The following ARL10 variants were observed in gnomAD, a reference collection of about 807,000 sequenced individuals.
ARL10 encodes the protein ARF like GTPase 10, also known as ADP-ribosylation factor-like protein 10.
In ARL10, 23 loss-of-function variants were observed where a neutral mutation model predicts 26.1. The ratio of observed to expected loss-of-function variants is 0.88; its 90% CI spans 0.63 to 1.25. ARL10 has a LOEUF of 1.25. Ranked by LOEUF, ARL10 falls within the 50% of genes most tolerant of loss-of-function variation. The pLI is 0.00. For missense variants in ARL10, 300 were observed against 323.6 expected, an observed-to-expected ratio of 0.93 and a Z score of 0.56; for synonymous variants, 138 against 149.1, an observed-to-expected ratio of 0.93 and a Z score of 0.54.
At chr5:176,402,709 C>T (rs1019471078), downstream of ARL10, among the ~76,000 whole-genome samples, 4 of 152,178 alleles carry the variant, frequency 2.6e-5, no homozygotes, top group East Asian at 1.9e-4. Flanking sequence ...GGGACAGGGA[C>T]GAGCAAGACA....
rs1755488388 is a variant in ARL10, at chr5:176,379,152, C to A, written c.*7257C>A. ...GGGCCTGTGCTTTCCCAACTATGTT[C>A]TTTTTTATGTATGTATGTATGTATT... On this transcript the variant is annotated 3_prime_UTR_variant, in exon 4 of 4. Transcript: ENST00000310389. The A allele has an allele frequency of 6.6e-6, 1 of 152,002 alleles. No individual in the cohort carries two copies. The highest frequency in any genetic ancestry group is 1.5e-5 in the Non-Finnish European group (1 of 67,994). The allele number at this position is 152,002 out of a possible 1,614,324, so 9.4% of individuals were successfully genotyped here. A position where few individuals can be genotyped will look rare whatever the true frequency, so the allele number is the denominator to read the frequency against.
chr5:176,382,841 A>G (rs1394733601), downstream of ARL10, among the ~76,000 whole-genome samples: 1 of 152,190 alleles, frequency 6.6e-6, no homozygotes, highest in Non-Finnish European at 1.5e-5. Context: ...TCACCTGCAT[A>G]AAGACACATG....
chr5:176,387,075 TC>T (rs1755911725), intron 1 of ARL10: 74 of 424,522 alleles, frequency 1.7e-4, no homozygotes, highest in Middle Eastern at 5.9e-4. Flanking sequence ...TCTCTCTCTC[TC>T]TCTTTTTTTT....
chr5:176,407,880 C>T, the ARL10 span, among the ~76,000 whole-genome samples: 4 of 152,176 alleles, frequency 2.6e-5, no homozygotes, highest in African/African-American at 9.7e-5. Flanking sequence ...AGTCTCCCTG[C>T]ATAAGGTACC....
intron 1 of ARL10, chr5:176,397,863 G>A (rs1018647207): frequency 2.0e-5 from 30 of 1,493,676 alleles, no homozygotes; most frequent in Non-Finnish European, 2.3e-5. Flanking sequence ...CATGCACTCC[G>A]AGGACTCCCC....
chr5:176,391,242 G>C (rs1756255333), downstream of ARL10, among the ~76,000 whole-genome samples: 1 of 152,170 alleles, frequency 6.6e-6, no homozygotes, highest in African/African-American at 2.4e-5. Context: ...CAAGGACATG[G>C]AGTGATGACC....
downstream of ARL10, chr5:176,384,541 C>T: frequency 4.5e-6 from 3 of 664,808 alleles, no homozygotes; most frequent in East Asian, 2.8e-5. Context: ...AATCCCAACA[C>T]TCTGGGAGGC....
chr5:176,368,042 T>A lies in ARL10; in HGVS notation c.386-765T>A, dbSNP rs1331297920. 2.0e-6 allele frequency: 1 copy of A among 512,812 alleles called. No homozygotes were observed. Among genetic ancestry groups the A allele is most frequent in the Non-Finnish European group, 3.9e-6 (1 of 254,698 alleles). 31.8% of individuals were successfully genotyped at this position (512,812 alleles called of 1,614,324 possible). On this transcript the variant is annotated intron_variant, in intron 2 of 3. Coordinates refer to ENST00000310389, the MANE Select transcript of ARL10 (RefSeq NM_173664.6). This position sits in a 1 kb window ranked among gnomAD's most constrained non-coding sequence, Gnocchi z 4.1. ...ATTGTGCTGAGGGCTTTGTGGGGATTCAGAGGTAAGTGCCTCTGACTCTCA... is the reference window on the plus strand; with the variant it reads ...ATTGTGCTGAGGGCTTTGTGGGGATACAGAGGTAAGTGCCTCTGACTCTCA...
downstream of ARL10, chr5:176,384,315 C>G (rs1755657573): frequency 1.2e-6 from 2 of 1,614,132 alleles, no homozygotes; most frequent in African/African-American, 1.3e-5. Flanking sequence ...AGACGTTGAT[C>G]TTACTCCGAA....
chr5:176,368,296 A>T lies in ARL10; in HGVS notation c.386-511A>T, dbSNP rs990065810. 2.5e-4 allele frequency among the ~76,000 whole-genome samples: 38 copies of T among 152,138 alleles called. 1 individual carries two copies. The highest frequency in any genetic ancestry group is 3.2e-3 in the Middle Eastern group (1 of 314). Reference sequence around the variant, plus strand: ...TGTATAGGCAGGGCAGGGGGTCCTGAGTTTTCTAGACAATAGGACTCCTGG... The same window carrying T: ...TGTATAGGCAGGGCAGGGGGTCCTGTGTTTTCTAGACAATAGGACTCCTGG... On this transcript the variant is annotated intron_variant, in intron 2 of 3. Coordinates refer to ENST00000310389, the MANE Select transcript of ARL10 (RefSeq NM_173664.6). This position sits in a 1 kb window ranked among gnomAD's most constrained non-coding sequence, Gnocchi z 4.1.
intron 1 of ARL10, among the ~76,000 whole-genome samples, chr5:176,400,239 A>C (rs1756752111): frequency 6.6e-6 from 1 of 152,086 alleles, no homozygotes; most frequent in Non-Finnish European, 1.5e-5. Flanking sequence ...AAAAGGAATA[A>C]TATTAAGAAC....
chr5:176,388,930 A>G, downstream of ARL10: 2 of 1,614,186 alleles, frequency 1.2e-6, no homozygotes, highest in Middle Eastern at 1.6e-4. Flanking sequence ...GTTTCAAGGA[A>G]AAGTTCGTTC....
chr5:176,408,588 A>G, the ARL10 span, among the ~76,000 whole-genome samples: 1 of 151,686 alleles, frequency 6.6e-6, no homozygotes, highest in African/African-American at 2.4e-5. Flanking sequence ...TAGTGTAATC[A>G]TAGTCACTGC....
rs1247433562 is a variant in ARL10, at chr5:176,365,558, G to C, written c.-6G>C. On this transcript the variant is annotated 5_prime_UTR_variant, in exon 1 of 4. Coordinates refer to ENST00000310389, the MANE Select transcript of ARL10 (RefSeq NM_173664.6). ...CAACCCGCACCTGCGTCCCTCGCCCGGCCCGATGGCGCCGCGGCCGCTGGG... is the reference window on the plus strand; with the variant it reads ...CAACCCGCACCTGCGTCCCTCGCCCCGCCCGATGGCGCCGCGGCCGCTGGG... 2 of 1,231,230 alleles carry C rather than the reference G, an allele frequency of 1.6e-6. No individual in the cohort carries two copies. Among genetic ancestry groups the C allele is most frequent in the Non-Finnish European group, 1.0e-6 (1 of 987,444 alleles). The allele number at this position is 1,231,230 out of a possible 1,614,324, so 76.3% of individuals were successfully genotyped here. A position where few individuals can be genotyped will look rare whatever the true frequency, so the allele number is the denominator to read the frequency against.
chr5:176,388,091 C>T (rs769718540), intron 1 of ARL10: 2 of 626,426 alleles, frequency 3.2e-6, no homozygotes, highest in Non-Finnish European at 5.7e-6. Context: ...TGCTCAACGT[C>T]AGTTGAGCGT....
At chr5:176,388,797 TCTC>T, downstream of ARL10, 1 of 1,606,262 alleles carries the variant, frequency 6.2e-7, no homozygotes, top group Non-Finnish European at 8.5e-7. Flanking sequence ...GTCCCGATTT[TCTC>T]CTGCTGCTGT....
At chr5:176,392,631 C>G, downstream of ARL10, 2 of 933,994 alleles carry the variant, frequency 2.1e-6, no homozygotes, top group South Asian at 3.2e-5. The surrounding 1 kb of genome is among the most constrained non-coding windows in gnomAD (Gnocchi z 5.2). Context: ...GGGGTGAGGG[C>G]CCCCCTCCCA....
At chr5:176,388,556 C>G (rs767108492) in exon 2 of ARL10, 23 of 1,599,274 alleles carry the variant, frequency 1.4e-5, no homozygotes, top group African/African-American at 5.4e-5. Context: ...GACCACCGCA[C>G]CAGCAGCTCA....
Position 176,381,398 on chromosome 5 carries a change from T to G in ARL10, c.*9503T>G, listed in dbSNP as rs1755548229. 2 of 152,198 alleles carry G rather than the reference T, an allele frequency of 1.3e-5. No individual in the cohort carries two copies. The highest frequency in any genetic ancestry group is 4.1e-4 in the South Asian group (2 of 4,832). The allele number at this position is 152,198 out of a possible 1,614,324, so 9.4% of individuals were successfully genotyped here. A position where few individuals can be genotyped will look rare whatever the true frequency, so the allele number is the denominator to read the frequency against. On this transcript the variant is annotated 3_prime_UTR_variant, in exon 4 of 4. Transcript: ENST00000310389. ...GAGGTTGCTGAAGTTATACTTTGGATCCTACTTCTGACACCAGTTTGTTAA... is the reference window on the plus strand; with the variant it reads ...GAGGTTGCTGAAGTTATACTTTGGAGCCTACTTCTGACACCAGTTTGTTAA...
Sources: allele counts gnomAD v4.1 joint callset (sites outside exome capture counted in the v4.1 genomes callset), GRCh38; gene constraint gnomAD v4.1.1; non-coding constraint Gnocchi (gnomAD v3.1); transcripts MANE v1.5; gene names NCBI Gene and HGNC (gene_info 2026-07-23, HGNC 2026-07-21).